Variants in EHMT1 observed in about 807,000 individuals in gnomAD.
EHMT1 encodes histone-lysine N-methyltransferase EHMT1.
EHMT1 carries 15 observed loss-of-function variants against 147.2 expected under a neutral mutation model. The observed-to-expected ratio is 0.10, with a 90% CI of 0.07 to 0.16. EHMT1 has a LOEUF of 0.16. EHMT1 is among the 10% of genes least tolerant of loss of function. EHMT1 has a pLI of 1.00. For synonymous variants in EHMT1, 795 were observed against 709.6 expected (o/e 1.12, Z -1.91); for missense variants, 1,587 against 1,772.4 (o/e 0.90, Z 1.88).
Position 137,834,865 on chromosome 9 carries a change from T to A in EHMT1, c.3809T>A (p.Leu1270Gln), listed in dbSNP as rs762593781. ...SPKCRHSSAA[L>Q]AQRQASAAQE... Reference sequence around the variant, plus strand: ...AAGTGCCGGCACTCGAGCGCGGCCCTGGCCCAGCGTCAGGCCAGCGCGGCC... The same window carrying A: ...AAGTGCCGGCACTCGAGCGCGGCCCAGGCCCAGCGTCAGGCCAGCGCGGCC... The change falls in exon 27 of 27, where the codon CTG (leucine) becomes CAG (glutamine). Residue 1270 changes from leucine (L) to glutamine (Q), a missense_variant. Transcript: ENST00000460843. The A allele has an allele frequency of 6.2e-7, 1 of 1,611,166 alleles. No homozygotes were observed. The highest frequency in any genetic ancestry group is 1.3e-5 in the African/African-American group (1 of 74,844).
At chr9:137,751,700 C>T (rs935098129) in intron 6 of EHMT1, among the ~76,000 whole-genome samples, 6 of 152,174 alleles carry the variant, frequency 3.9e-5, no homozygotes, top group African/African-American at 1.2e-4. Flanking sequence ...GAAAGAATTC[C>T]AGAACATATT....
intron 1 of EHMT1, among the ~76,000 whole-genome samples, chr9:137,689,608 C>T (rs1032692872): frequency 6.6e-6 from 1 of 152,178 alleles, no homozygotes; most frequent in African/African-American, 2.4e-5. Flanking sequence ...GAGGCTGAGG[C>T]AGGAGATTGG....
intron 18 of EHMT1, among the ~76,000 whole-genome samples, chr9:137,804,117 T>A (rs11791089): frequency 0.01 from 1,555 of 152,290 alleles, 10 homozygotes; most frequent in Admixed American, 0.015. Flanking sequence ...CCAGCTCTTG[T>A]GAGAACTCAC....
intron 1 of EHMT1, among the ~76,000 whole-genome samples, chr9:137,694,402 A>G: frequency 6.6e-6 from 1 of 151,708 alleles, no homozygotes; most frequent in African/African-American, 2.4e-5. Flanking sequence ...ACAGTGGCAC[A>G]GGACACTGGC....
At chr9:137,799,900 T>C (rs1308520790) in intron 17 of EHMT1, among the ~76,000 whole-genome samples, 1 of 152,218 alleles carries the variant, frequency 6.6e-6, no homozygotes, top group African/African-American at 2.4e-5. Flanking sequence ...CTCTCTGACG[T>C]TGTACCCTCC....
intron 1 of EHMT1, among the ~76,000 whole-genome samples, chr9:137,624,852 A>C (rs1465962125): frequency 1.3e-5 from 2 of 150,032 alleles, no homozygotes; most frequent in African/African-American, 4.9e-5. Context: ...GATTAAAGGC[A>C]TGATCCACCG....
chr9:137,779,740 G>A lies in EHMT1; in HGVS notation c.2275+23G>A. ...TGGGTAAGTGCCTTCCTGCGGCCCG[G>A]GCACATGCAGCCGGCCCTGTGGCAC... On this transcript the variant is annotated intron_variant, in intron 14 of 26. Transcript: ENST00000460843. 3 of 1,612,242 alleles carry A rather than the reference G, an allele frequency of 1.9e-6. No individual in the cohort carries two copies. In the South Asian group the frequency reaches 3.3e-5, roughly 18 times the overall value.
At chr9:137,771,756 G>A (rs948353387) in intron 10 of EHMT1, among the ~76,000 whole-genome samples, 1 of 152,180 alleles carries the variant, frequency 6.6e-6, no homozygotes, top group Non-Finnish European at 1.5e-5. Flanking sequence ...ATGCTTGCTC[G>A]GGCAGCGTCG....
At chr9:137,826,424 G>A (rs1057334904) in intron 25 of EHMT1, among the ~76,000 whole-genome samples, 5 of 152,216 alleles carry the variant, frequency 3.3e-5, no homozygotes, top group African/African-American at 4.8e-5. Flanking sequence ...GCTGCAGGCC[G>A]TGGCCTCTGT....
At position 137,772,464 on chromosome 9, in the gene EHMT1, C is replaced by T. The variant is rs562937293; in HGVS notation, c.1648-2645C>T. Among the ~76,000 whole-genome samples, 9 of 152,308 alleles carry T rather than the reference C, an allele frequency of 5.9e-5. No individual in the cohort carries two copies. In the East Asian group the frequency reaches 9.7e-4, roughly 16 times the overall value. Reference sequence around the variant, plus strand: ...TCTGCAGAGGGTGACCCCTCACCTGCGCCAGGTGGGGTGCCTAGCTGCATG... The same window carrying T: ...TCTGCAGAGGGTGACCCCTCACCTGTGCCAGGTGGGGTGCCTAGCTGCATG... On this transcript the variant is annotated intron_variant, in intron 10 of 26. Transcript: ENST00000460843.
At position 137,835,374 on chromosome 9, in the gene EHMT1, G is replaced by T. The variant is rs1180786112; in HGVS notation, c.*421G>T. The T allele has an allele frequency of 6.3e-6, 1 of 159,178 alleles. No individual in the cohort carries two copies. The highest frequency in any genetic ancestry group is 1.4e-5 in the Non-Finnish European group (1 of 73,192). The allele number at this position is 159,178 out of a possible 1,614,324, so 9.9% of individuals were successfully genotyped here. A position where few individuals can be genotyped will look rare whatever the true frequency, so the allele number is the denominator to read the frequency against. ...TCTGTGTGGCGCCGCCGAAGCCACC[G>T]TTAGCGCGAGCTGCTCCGTTCGCCC... On this transcript the variant is annotated 3_prime_UTR_variant, in exon 27 of 27. Transcript: ENST00000460843.
chr9:137,621,018 C>T (rs999635642), intron 1 of EHMT1, among the ~76,000 whole-genome samples: 5 of 152,120 alleles, frequency 3.3e-5, no homozygotes, highest in African/African-American at 7.2e-5. Flanking sequence ...AGAAGACAGG[C>T]GCAGTGAGGC....
At chr9:137,655,402 C>G (rs1938334554) in intron 1 of EHMT1, among the ~76,000 whole-genome samples, 4 of 152,144 alleles carry the variant, frequency 2.6e-5, no homozygotes, top group Admixed American at 2.6e-4. Context: ...CAGACCAGAA[C>G]TATTGTTACC....
chr9:137,808,461 G>A (rs1954136096), intron 18 of EHMT1, among the ~76,000 whole-genome samples: 1 of 152,112 alleles, frequency 6.6e-6, no homozygotes, highest in African/African-American at 2.4e-5. Context: ...GGTTTTGACT[G>A]TTTTGTTTTA....
chr9:137,744,415 G>C (rs1197917040), intron 6 of EHMT1, among the ~76,000 whole-genome samples: 1 of 151,940 alleles, frequency 6.6e-6, no homozygotes, highest in Non-Finnish European at 1.5e-5. Context: ...AACCTCCTGG[G>C]CTCAATGATC....
chr9:137,676,875 C>T (rs114380389), intron 1 of EHMT1, among the ~76,000 whole-genome samples: 41 of 150,706 alleles, frequency 2.7e-4, no homozygotes, highest in African/African-American at 9.1e-4. Context: ...GACTCCATCC[C>T]GCTTTGCTGA....
intron 1 of EHMT1, among the ~76,000 whole-genome samples, chr9:137,692,180 C>T (rs1011140730): frequency 1.3e-5 from 2 of 151,974 alleles, no homozygotes; most frequent in East Asian, 1.9e-4. Flanking sequence ...TGATGAAGAA[C>T]GTTTACGTGC....
In EHMT1 at chr9:137,728,912, C is replaced by T. The variant is rs917772200; in HGVS notation, c.823+383C>T. On this transcript the variant is annotated intron_variant, in intron 4 of 26. Transcript: ENST00000460843. ...GTCTGTGGCCCAGGGTGAGGACCAC[C>T]GCCCGCTCCAGCTGCTCTGCCACCA... Among the ~76,000 whole-genome samples the T allele has an allele frequency of 2.0e-5, 3 of 152,292 alleles. No homozygotes were observed. The South Asian group carries it at 6.2e-4, about 32-fold the overall frequency.
At chr9:137,706,130 C>T (rs1177714873) in intron 1 of EHMT1, among the ~76,000 whole-genome samples, 1 of 152,048 alleles carries the variant, frequency 6.6e-6, no homozygotes, top group African/African-American at 2.4e-5. Flanking sequence ...GGGGCCATGG[C>T]AGGGCAGGGC....
Sources: gnomAD v4.1 joint callset for allele counts (sites outside exome capture counted in the v4.1 genomes callset) on GRCh38, gnomAD v4.1.1 for gene constraint, MANE v1.5 for transcripts, NCBI Gene and HGNC (gene_info 2026-07-23, HGNC 2026-07-21) for gene names.